GUCA1C: variants seen among roughly 807,000 people sequenced by gnomAD.
GUCA1C encodes the protein guanylate cyclase activator 1C.
A neutral mutation model predicts 16.2 loss-of-function variants in GUCA1C; 15 were observed. That is an observed-to-expected ratio of 0.93 (90% CI 0.62 to 1.43). The LOEUF (loss-of-function observed/expected upper bound fraction) is 1.43, where lower values mean the gene tolerates loss of function less well. Among genes scored for constraint, GUCA1C ranks in the 40% most tolerant of loss-of-function variants. The pLI is 0.00. For synonymous variants in GUCA1C, 78 were observed against 85.4 expected (o/e 0.91, Z 0.48); for missense variants, 275 against 244.8 (o/e 1.12, Z -0.82).
chr3:108,929,924 A>G (rs1946651899), intron 1 of GUCA1C, among the ~76,000 whole-genome samples: 1 of 152,232 alleles, frequency 6.6e-6, no homozygotes, highest in Admixed American at 6.5e-5. Context: ...TCTTTTCTAT[A>G]AAGATTTTGT....
At chr3:108,919,673 G>A (rs1444030614) in intron 2 of GUCA1C, among the ~76,000 whole-genome samples, 1 of 151,904 alleles carries the variant, frequency 6.6e-6, no homozygotes, top group African/African-American at 2.4e-5. Context: ...TTATTTTTCT[G>A]GCATTTTTGC....
rs552400214 is a variant in GUCA1C at position 108,940,446 on chromosome 3, G to A, written c.204+13113C>T. 1.4e-3 allele frequency among the ~76,000 whole-genome samples: 220 copies of A among 152,300 alleles called. 1 individual carries two copies. Among genetic ancestry groups the A allele is most frequent in the Non-Finnish European group, 2.5e-3 (168 of 68,020 alleles). On this transcript the variant is annotated intron_variant, in intron 1 of 3. Coordinates refer to ENST00000261047, the MANE Select transcript of GUCA1C (RefSeq NM_005459.4). Reference sequence around the variant, plus strand: ...GAGCAGATAACCAAAGGTCACTTCTGAATTTCAAGTAGAGCTGGGGCTCCC... The same window carrying A: ...GAGCAGATAACCAAAGGTCACTTCTAAATTTCAAGTAGAGCTGGGGCTCCC...
At chr3:108,927,432 CTT>C (rs55930777) in intron 1 of GUCA1C, among the ~76,000 whole-genome samples, 34,869 of 127,946 alleles carry the variant, frequency 0.27, 3,686 homozygotes, top group Middle Eastern at 0.39. Context: ...TTTTTTAATT[CTT>C]TTTTTTTTTT....
chr3:108,922,186 CACACACACACACACACAT>C (rs1559842396), intron 1 of GUCA1C, among the ~76,000 whole-genome samples: 945 of 42,008 alleles, frequency 0.022, 5 homozygotes, highest in African/African-American at 0.048. Flanking sequence ...CACACACACA[CACACACACACACACACAT>C]ATATATATGG....
Position 108,953,879 on chromosome 3 carries a change from T to C in GUCA1C, c.-117A>G, listed in dbSNP as rs1226733430. On this transcript the variant is annotated 5_prime_UTR_variant, in exon 1 of 4. Transcript: ENST00000261047. ...AACATATGCCCTCAGAAAGCTACTC[T>C]AAACCTCTTACAGCAACAAGCTAAA... 2 of 676,132 alleles carry C rather than the reference T, an allele frequency of 3.0e-6. No homozygotes were observed. The highest frequency in any genetic ancestry group is 3.6e-5 in the African/African-American group (2 of 56,208). 41.9% of individuals were successfully genotyped at this position (676,132 alleles called of 1,614,324 possible).
chr3:108,944,271 T>A (rs1946821135), intron 1 of GUCA1C, among the ~76,000 whole-genome samples: 2 of 152,062 alleles, frequency 1.3e-5, no homozygotes, highest in African/African-American at 4.8e-5. Context: ...ACACACCTGA[T>A]AGGAATAATT....
rs549990911 is a variant in GUCA1C at position 108,937,131 on chromosome 3, C to T, written c.204+16428G>A. On this transcript the variant is annotated intron_variant, in intron 1 of 3. Coordinates refer to ENST00000261047, the MANE Select transcript of GUCA1C (RefSeq NM_005459.4). The stretch of plus-strand genomic sequence containing the variant: ...TCATCCTTGTCCAGCCTCAACTGAC[C>T]TTGTTGTTAATCTTCACCCACACTC... 1.5e-4 allele frequency among the ~76,000 whole-genome samples: 23 copies of T among 152,270 alleles called. No individual in the cohort carries two copies. The South Asian group carries it at 4.4e-3, about 29-fold the overall frequency.
intron 1 of GUCA1C, among the ~76,000 whole-genome samples, chr3:108,938,568 T>C (rs982127844): frequency 6.6e-6 from 1 of 152,232 alleles, no homozygotes; most frequent in African/African-American, 2.4e-5. Flanking sequence ...ATTTTAAAAA[T>C]CTGTAAGGGA....
intron 1 of GUCA1C, among the ~76,000 whole-genome samples, chr3:108,923,153 G>T (rs1022243064): frequency 6.6e-6 from 1 of 152,026 alleles, no homozygotes; most frequent in African/African-American, 2.4e-5. Flanking sequence ...TATTTCTTTC[G>T]CTGCAGAAGC....
intron 3 of GUCA1C, among the ~76,000 whole-genome samples, 178 bp from the exon 4 acceptor site, chr3:108,908,387 G>T (rs2399253): frequency 0.32 from 47,479 of 150,306 alleles, 7,757 homozygotes; most frequent in East Asian, 0.42. Flanking sequence ...TTCACTGGTG[G>T]TGTTGCCAAT....
intron 1 of GUCA1C, among the ~76,000 whole-genome samples, chr3:108,924,303 T>C (rs1346996606): frequency 6.6e-6 from 1 of 152,188 alleles, no homozygotes; most frequent in Non-Finnish European, 1.5e-5. Flanking sequence ...TTTTATTACC[T>C]TAAGGTATGT....
chr3:108,908,481 T>C (rs77090467), intron 3 of GUCA1C, among the ~76,000 whole-genome samples: 3,553 of 152,204 alleles, frequency 0.023, 157 homozygotes, highest in African/African-American at 0.081. Flanking sequence ...ACATATGCAA[T>C]TATATCTCTG....
At chr3:108,948,845 G>A (rs1175004851) in intron 1 of GUCA1C, among the ~76,000 whole-genome samples, 1 of 140,298 alleles carries the variant, frequency 7.1e-6, no homozygotes, top group Admixed American at 7.1e-5. Context: ...ACAGATCTGG[G>A]AATTTTTTTT....
In GUCA1C at chr3:108,953,864, C is replaced by T. The variant is rs553815032; in HGVS notation, c.-102G>A. On this transcript the variant is annotated 5_prime_UTR_variant, in exon 1 of 4. Transcript: ENST00000261047. The stretch of plus-strand genomic sequence containing the variant: ...CTAAAACTGAAGGCTAACATATGCC[C>T]TCAGAAAGCTACTCTAAACCTCTTA... 2 of 746,014 alleles carry T rather than the reference C, an allele frequency of 2.7e-6. No homozygotes were observed. Among genetic ancestry groups the T allele is most frequent in the South Asian group, 3.2e-5 (2 of 62,372 alleles). 46.2% of individuals were successfully genotyped at this position (746,014 alleles called of 1,614,324 possible). A position where few individuals can be genotyped will look rare whatever the true frequency, so the allele number is the denominator to read the frequency against.
intron 3 of GUCA1C, among the ~76,000 whole-genome samples, chr3:108,908,637 G>A (rs1328217773): frequency 6.6e-6 from 1 of 152,138 alleles, no homozygotes; most frequent in Non-Finnish European, 1.5e-5. Context: ...TAATTCTTGG[G>A]ACTGTCTAAA....
chr3:108,930,837 G>C (rs1182324232), intron 1 of GUCA1C, among the ~76,000 whole-genome samples: 1 of 152,128 alleles, frequency 6.6e-6, no homozygotes, highest in Non-Finnish European at 1.5e-5. Context: ...TTAATCCCTA[G>C]CAGAGCTATG....
At chr3:108,951,415 A>G (rs1054107020) in intron 1 of GUCA1C, among the ~76,000 whole-genome samples, 5 of 152,214 alleles carry the variant, frequency 3.3e-5, no homozygotes, top group African/African-American at 9.6e-5. Flanking sequence ...GACATACACA[A>G]TAAAATTCAT....
intron 1 of GUCA1C, among the ~76,000 whole-genome samples, chr3:108,952,953 G>A (rs945035996): frequency 6.6e-6 from 1 of 151,786 alleles, no homozygotes; most frequent in Non-Finnish European, 1.5e-5. Context: ...CCTCAGGAAT[G>A]AGTAAATTCA....
intron 3 of GUCA1C, among the ~76,000 whole-genome samples, chr3:108,909,132 C>T (rs1200488441): frequency 1.3e-5 from 2 of 152,172 alleles, no homozygotes; most frequent in Non-Finnish European, 2.9e-5. Flanking sequence ...ATCTAAAATA[C>T]CACAATATTG....
Sources: gnomAD v4.1 joint callset for allele counts (sites outside exome capture counted in the v4.1 genomes callset) on GRCh38, gnomAD v4.1.1 for gene constraint, MANE v1.5 for transcripts, NCBI Gene and HGNC (gene_info 2026-07-23, HGNC 2026-07-21) for gene names.